The following AASDH variants were observed in gnomAD, a reference collection of about 807,000 sequenced individuals.
AASDH encodes aminoadipate-semialdehyde dehydrogenase.
In AASDH, 81 loss-of-function variants were observed where a neutral mutation model predicts 102.3. The observed-to-expected ratio is 0.79, with a 90% CI of 0.66 to 0.95. The LOEUF is 0.95. AASDH is among the 40% of genes least tolerant of loss of function. The pLI, the probability that AASDH is intolerant of heterozygous loss-of-function variation, is 0.00. For synonymous variants in AASDH, 398 were observed against 454.0 expected, an observed-to-expected ratio of 0.88 and a Z score of 1.57; for missense variants, 1,203 against 1,266.2, an observed-to-expected ratio of 0.95 and a Z score of 0.76.
At chr4:56,364,931 A>T (rs1314816612) in intron 5 of AASDH, among the ~76,000 whole-genome samples, 1 of 152,224 alleles carries the variant, frequency 6.6e-6, no homozygotes, top group Non-Finnish European at 1.5e-5. Flanking sequence ...GGCAAATTGG[A>T]TAAAGAGTCA....
chr4:56,354,599 C>A (rs1486906483), intron 7 of AASDH, 106 bp downstream of exon 7: 5 of 794,346 alleles, frequency 6.3e-6, no homozygotes, highest in African/African-American at 5.3e-5. Context: ...AAAATTATCA[C>A]TGAAAAGCAT....
intron 5 of AASDH, among the ~76,000 whole-genome samples, chr4:56,363,132 C>T (rs1750519601): frequency 6.6e-6 from 1 of 152,236 alleles, no homozygotes; most frequent in African/African-American, 2.4e-5. Context: ...ATTGCTAGCA[C>T]AGCAGTCTGA....
intron 1 of AASDH, among the ~76,000 whole-genome samples, chr4:56,385,576 CT>C (rs1435840436): frequency 6.6e-6 from 1 of 152,040 alleles, no homozygotes; most frequent in Non-Finnish European, 1.5e-5. Flanking sequence ...GCAATTAAGA[CT>C]TACCAAGTAG....
Position 56,369,944 on chromosome 4 carries a change from T to TAAA in AASDH, c.861+1504_861+1506dup, listed in dbSNP as rs56400257. Reference sequence around the variant, plus strand: ...GAGAAGAGTGAGACTCTGTCTCAATTAAAAAAAAAAAAAAAAAAACAGACA... The same window carrying TAAA: ...GAGAAGAGTGAGACTCTGTCTCAATTAAAAAAAAAAAAAAAAAAAAAACAGACA... On this transcript the variant is annotated intron_variant, in intron 5 of 14. Coordinates refer to ENST00000205214, the MANE Select transcript of AASDH (RefSeq NM_181806.4). Among the ~76,000 whole-genome samples, 322 of 133,282 alleles carry TAAA rather than the reference T, an allele frequency of 2.4e-3. 4 individuals are homozygous for TAAA. The highest frequency in any genetic ancestry group is 8.5e-3 in the African/African-American group (300 of 35,454). The allele number at this position is 133,282 out of a possible 152,430, so 87.4% of individuals were successfully genotyped here.
chr4:56,353,894 G>C (rs1749274006), intron 8 of AASDH, 145 bp downstream of exon 8: 1 of 730,844 alleles, frequency 1.4e-6, no homozygotes, highest in Admixed American at 3.5e-5. Context: ...GGGGCACCCT[G>C]AATTATTCAT....
rs1167091428 is a variant in AASDH, at chr4:56,349,311, T to A, written c.2440A>T (p.Ile814Phe). ...VKWEQILGDRIESSACVSKCG... is the reference protein window; with the variant it reads ...VKWEQILGDRFESSACVSKCG... ...TTAGATACACATGCTGAGGATTCAA[T>A]TCGATCTCCCAAAATCTGTTCCCAT... Residue 814 changes from isoleucine (I) to phenylalanine (F), a missense_variant, in exon 11 of 15, where the codon ATT becomes TTT. Ile to Phe is a conservative substitution (Grantham distance 21). Transcript: ENST00000205214. 1.2e-6 allele frequency: 2 copies of A among 1,614,098 alleles called. No individual in the cohort carries two copies. The highest frequency in any genetic ancestry group is 2.2e-5 in the East Asian group (1 of 44,898).
chr4:56,354,912 T>G, intron 6 of AASDH, 101 bp from the exon 7 acceptor site: 1 of 994,608 alleles, frequency 1.0e-6, no homozygotes, highest in Admixed American at 3.1e-5. Context: ...AAAAAAAAGT[T>G]TGTTACGCTC....
intron 5 of AASDH, among the ~76,000 whole-genome samples, chr4:56,368,418 A>G (rs1039037135): frequency 6.6e-6 from 1 of 152,172 alleles, no homozygotes; most frequent in African/African-American, 2.4e-5. Context: ...ACACATGCGC[A>G]CATATGTTTA....
rs139791166 is a variant in AASDH at position 56,348,260 on chromosome 4, T to C, written c.2488+1003A>G. On this transcript the variant is annotated intron_variant, in intron 11 of 14. Coordinates refer to ENST00000205214, the MANE Select transcript of AASDH (RefSeq NM_181806.4). ...TGTGGCCTGAACTGAGTTATGCACTTTTTTTTTTTTTGAGACAGAGTCCTG... is the reference window on the plus strand; with the variant it reads ...TGTGGCCTGAACTGAGTTATGCACTCTTTTTTTTTTTGAGACAGAGTCCTG... Among the ~76,000 whole-genome samples, 210 of 149,314 alleles carry C rather than the reference T, an allele frequency of 1.4e-3. 1 individual carries two copies. The highest frequency in any genetic ancestry group is 2.4e-3 in the Non-Finnish European group (158 of 67,034).
At chr4:56,382,989 G>A (rs925189347) in intron 2 of AASDH, among the ~76,000 whole-genome samples, 20 of 152,264 alleles carry the variant, frequency 1.3e-4, no homozygotes, top group African/African-American at 3.9e-4. Context: ...CCCGGGAGGC[G>A]GAGGTTGCGG....
At chr4:56,339,606 C>A (rs1747396553) in intron 14 of AASDH, among the ~76,000 whole-genome samples, 3 of 151,162 alleles carry the variant, frequency 2.0e-5, no homozygotes, top group Admixed American at 6.6e-5. Flanking sequence ...CAAAAATTAG[C>A]CAGGTGTGGT....
At chr4:56,358,608 G>C (rs1358919352) in intron 5 of AASDH, among the ~76,000 whole-genome samples, 8 of 151,640 alleles carry the variant, frequency 5.3e-5, no homozygotes, top group Non-Finnish European at 1.2e-4. Context: ...ATTAAGATAG[G>C]TATGTGCTTT....
At chr4:56,358,773 A>ATG (rs1749924657) in intron 5 of AASDH, among the ~76,000 whole-genome samples, 1 of 152,098 alleles carries the variant, frequency 6.6e-6, no homozygotes, top group Non-Finnish European at 1.5e-5. Flanking sequence ...AAATGTGCCA[A>ATG]TGTGCTTAAA....
chr4:56,345,338 A>G, intron 11 of AASDH, 48 bp from the exon 12 acceptor site: 1 of 1,550,432 alleles, frequency 6.4e-7, no homozygotes. Flanking sequence ...ATATTACTGG[A>G]AAATAATTCT....
At chr4:56,365,057 G>C (rs1425832746) in intron 5 of AASDH, among the ~76,000 whole-genome samples, 1 of 152,152 alleles carries the variant, frequency 6.6e-6, no homozygotes, top group Admixed American at 6.5e-5. Flanking sequence ...AAAAAAGGCA[G>C]GGGTTGCAAT....
chr4:56,384,698 CTTAATTTTTTTTTACT>C (rs1753353563), intron 1 of AASDH, among the ~76,000 whole-genome samples: 1 of 150,362 alleles, frequency 6.7e-6, no homozygotes, highest in Admixed American at 6.6e-5. Flanking sequence ...GGACCCCACA[CTTAATTTTTTTTTACT>C]TTCCTTCAGT....
At chr4:56,361,193 C>T (rs2109926206) in intron 5 of AASDH, among the ~76,000 whole-genome samples, 1 of 152,272 alleles carries the variant, frequency 6.6e-6, no homozygotes, top group South Asian at 2.1e-4. Context: ...GGGCAGATCA[C>T]TTAAGGTCAG....
Position 56,355,384 on chromosome 4 carries a change from T to C in AASDH, c.901A>G (p.Ile301Val). The C allele has an allele frequency of 6.2e-7, 1 of 1,614,064 alleles. No individual in the cohort carries two copies. The highest frequency in any genetic ancestry group is 8.5e-7 in the Non-Finnish European group (1 of 1,179,920). ...GTGGCTGACAAAACAGTTGACTTGA[T>C]AAGCTGAGATCCAAATCTTCTAAGC... ...TLLRRFGSQL[I>V]KSTVLSATTS... The change falls in exon 6 of 15, where the codon ATC becomes GTC. Residue 301 changes from isoleucine to valine, a missense_variant. Physicochemically the swap from Ile to Val is conservative, Grantham distance 29. Coordinates refer to ENST00000205214, the MANE Select transcript of AASDH (RefSeq NM_181806.4).
At chr4:56,339,361 G>A (rs1053540113) in intron 14 of AASDH, among the ~76,000 whole-genome samples, 3 of 151,810 alleles carry the variant, frequency 2.0e-5, no homozygotes, top group African/African-American at 7.3e-5. Context: ...TAGCCAGGAT[G>A]GTCTCGATCT....
Sources: gnomAD v4.1 joint callset for allele counts (sites outside exome capture counted in the v4.1 genomes callset) on GRCh38, gnomAD v4.1.1 for gene constraint, MANE v1.5 for transcripts, NCBI Gene and HGNC (gene_info 2026-07-23, HGNC 2026-07-21) for gene names.